Variants in TASP1 observed in about 807,000 individuals in gnomAD.
TASP1 encodes threonine aspartase 1.
TASP1 carries 16 observed loss-of-function variants against 56.6 expected under a neutral mutation model. That is an observed-to-expected ratio of 0.28 (90% CI 0.19 to 0.43). The LOEUF is 0.43. Ranked by LOEUF, TASP1 falls within the 20% of genes least tolerant of loss-of-function variation. TASP1 has a pLI of 1.00. For missense variants in TASP1, 393 were observed against 511.6 expected (o/e 0.77, Z 2.24); for synonymous variants, 179 against 184.2 (o/e 0.97, Z 0.23).
intron 11 of TASP1, among the ~76,000 whole-genome samples, chr20:13,471,224 A>G (rs1419395559): frequency 1.3e-5 from 2 of 152,196 alleles, no homozygotes; most frequent in Admixed American, 1.3e-4. Flanking sequence ...AGAAAATGAC[A>G]TGTGAGCAGA....
the TASP1 span, chr20:13,299,362 A>G: frequency 6.2e-7 from 1 of 1,613,890 alleles, no homozygotes; most frequent in Non-Finnish European, 8.5e-7. The surrounding 1 kb of genome is among the most constrained non-coding windows in gnomAD (Gnocchi z 5.8). Flanking sequence ...TGGAGCAGGT[A>G]TAACGAGGCC....
chr20:13,488,740 T>C (rs2043416587), intron 10 of TASP1, among the ~76,000 whole-genome samples: 2 of 152,162 alleles, frequency 1.3e-5, no homozygotes, highest in Admixed American at 6.5e-5. Context: ...GTCACATCAA[T>C]TGGAATCATC....
the TASP1 span, among the ~76,000 whole-genome samples, chr20:13,189,137 T>C: frequency 6.6e-6 from 1 of 152,258 alleles, no homozygotes; most frequent in Non-Finnish European, 1.5e-5. Flanking sequence ...GAATCGCTTA[T>C]TGCTCAATCA....
At chr20:13,346,510 C>T in the TASP1 span, among the ~76,000 whole-genome samples, 20 of 152,312 alleles carry the variant, frequency 1.3e-4, no homozygotes, top group African/African-American at 2.9e-4. Context: ...AACCCATTAG[C>T]GAAGCCAAAT....
chr20:13,168,267 T>C, the TASP1 span: 1 of 150,484 alleles, frequency 6.6e-6, no homozygotes. Flanking sequence ...CATTGCAACC[T>C]CCACCTCCCG....
At chr20:13,251,665 G>C in the TASP1 span, among the ~76,000 whole-genome samples, 2 of 152,178 alleles carry the variant, frequency 1.3e-5, no homozygotes, top group African/African-American at 2.4e-5. Flanking sequence ...TTTGGTCAGA[G>C]AGCAAGCAAG....
chr20:13,310,678 T>C, the TASP1 span, among the ~76,000 whole-genome samples: 2 of 152,264 alleles, frequency 1.3e-5, no homozygotes, highest in South Asian at 4.1e-4. Context: ...ACATCTGATA[T>C]GGGGTTAATC....
At chr20:13,629,411 A>C (rs2049010054) in intron 2 of TASP1, among the ~76,000 whole-genome samples, 1 of 151,878 alleles carries the variant, frequency 6.6e-6, no homozygotes, top group Non-Finnish European at 1.5e-5. Flanking sequence ...AGATTGTGTA[A>C]TAATTATGCC....
chr20:13,613,858 T>C (rs1283419333), intron 4 of TASP1, among the ~76,000 whole-genome samples: 1 of 152,090 alleles, frequency 6.6e-6, no homozygotes, highest in African/African-American at 2.4e-5. Context: ...CATTCATTAA[T>C]ACAGAACCTC....
chr20:13,116,625 T>G, the TASP1 span, among the ~76,000 whole-genome samples: 3 of 152,176 alleles, frequency 2.0e-5, no homozygotes, highest in East Asian at 5.8e-4. Flanking sequence ...GCATGGAAGG[T>G]TCTATCGTGT....
chr20:13,488,486 A>G (rs1359858159), intron 10 of TASP1, among the ~76,000 whole-genome samples: 2 of 152,188 alleles, frequency 1.3e-5, no homozygotes, highest in African/African-American at 2.4e-5. Flanking sequence ...CCATTCTACT[A>G]GAGTGAGGGT....
At chr20:13,139,060 G>T in the TASP1 span, among the ~76,000 whole-genome samples, 1 of 152,272 alleles carries the variant, frequency 6.6e-6, no homozygotes, top group Admixed American at 6.5e-5. Flanking sequence ...GGAGGGTAGC[G>T]TGATTCTTAA....
At chr20:13,437,121 C>T (rs1051339587) in intron 11 of TASP1, among the ~76,000 whole-genome samples, 1 of 151,946 alleles carries the variant, frequency 6.6e-6, no homozygotes, top group Non-Finnish European at 1.5e-5. Context: ...AAAATACTGG[C>T]AAACCGAATC....
At chr20:13,483,373 C>T (rs1336080767) in intron 10 of TASP1, 36 bp from the exon 11 acceptor site, 1 of 1,445,196 alleles carries the variant, frequency 6.9e-7, no homozygotes, top group South Asian at 1.4e-5. Context: ...TGAGGAAAAG[C>T]AGCACCGAAC....
chr20:13,454,047 C>A, intron 11 of TASP1, among the ~76,000 whole-genome samples: 1 of 149,362 alleles, frequency 6.7e-6, no homozygotes, highest in Non-Finnish European at 1.5e-5. Context: ...AGTAAAGAAC[C>A]TAGGAATTGA....
chr20:13,292,659 G>A, the TASP1 span, among the ~76,000 whole-genome samples: 16 of 152,064 alleles, frequency 1.1e-4, no homozygotes, highest in East Asian at 7.7e-4. Context: ...CCACCGGACC[G>A]AGCGCTTCTG....
chr20:13,369,475 G>A, the TASP1 span, among the ~76,000 whole-genome samples: 2 of 152,126 alleles, frequency 1.3e-5, no homozygotes, highest in African/African-American at 4.8e-5. Context: ...ATGTTTAAAT[G>A]TATGTTGAAC....
At chr20:13,152,303 G>A in the TASP1 span, among the ~76,000 whole-genome samples, 4 of 152,266 alleles carry the variant, frequency 2.6e-5, no homozygotes, top group African/African-American at 9.6e-5. Context: ...ACATATGGGT[G>A]AGCTATAATT....
At chr20:13,200,032 A>C in the TASP1 span, among the ~76,000 whole-genome samples, 4 of 152,230 alleles carry the variant, frequency 2.6e-5, no homozygotes, top group African/African-American at 9.6e-5. Flanking sequence ...TAAAGTCACA[A>C]GTTTCTCCTA....
Sources: gnomAD v4.1 joint callset for allele counts (sites outside exome capture counted in the v4.1 genomes callset) on GRCh38, gnomAD v4.1.1 for gene constraint, Gnocchi (gnomAD v3.1) non-coding constraint, MANE v1.5 for transcripts, NCBI Gene and HGNC (gene_info 2026-07-23, HGNC 2026-07-21) for gene names.